Variants in HEATR5B observed in about 807,000 individuals in gnomAD.
HEATR5B encodes the protein HEAT repeat containing 5B.
A neutral mutation model predicts 224.1 loss-of-function variants in HEATR5B; 156 were observed. The ratio of observed to expected loss-of-function variants is 0.70; its 90% CI spans 0.61 to 0.80. HEATR5B has a LOEUF of 0.80. Ranked by LOEUF, HEATR5B falls within the 30% of genes least tolerant of loss-of-function variation. The probability of loss-of-function intolerance (pLI) is 0.00; values close to 1 mark genes in which losing one functional copy is unlikely to be tolerated. For missense variants in HEATR5B, 2,323 were observed against 2,535.5 expected, an observed-to-expected ratio of 0.92 and a Z score of 1.80; for synonymous variants, 1,027 against 893.0, an observed-to-expected ratio of 1.15 and a Z score of -2.68.
intron 34 of HEATR5B, among the ~76,000 whole-genome samples, chr2:36,989,148 C>A (rs1034377893): frequency 6.6e-6 from 1 of 152,132 alleles, no homozygotes; most frequent in Non-Finnish European, 1.5e-5. Flanking sequence ...TGCAGTGGCA[C>A]CATTTTGGCT....
chr2:37,010,664 C>T (rs531892693), intron 27 of HEATR5B, among the ~76,000 whole-genome samples: 1 of 151,952 alleles, frequency 6.6e-6, no homozygotes, highest in South Asian at 2.1e-4. Context: ...CAGGCACACA[C>T]CAGCAAGCCT....
At chr2:37,064,219 T>A (rs952060836) in intron 10 of HEATR5B, among the ~76,000 whole-genome samples, 2 of 152,128 alleles carry the variant, frequency 1.3e-5, no homozygotes, top group African/African-American at 4.8e-5. Context: ...TGTGAACTTT[T>A]ATTTCTAAAA....
intron 5 of HEATR5B, among the ~76,000 whole-genome samples, chr2:37,073,043 C>T (rs1472930234): frequency 6.6e-6 from 1 of 152,146 alleles, no homozygotes; most frequent in Non-Finnish European, 1.5e-5. Flanking sequence ...AGAAATAATA[C>T]CAATTCTATA....
intron 20 of HEATR5B, among the ~76,000 whole-genome samples, chr2:37,038,550 A>G (rs887756398): frequency 3.3e-5 from 5 of 152,210 alleles, no homozygotes; most frequent in Non-Finnish European, 1.5e-5. Context: ...ATACTTGATA[A>G]ACACCTATGC....
chr2:37,041,156 C>G lies in HEATR5B; in HGVS notation c.2833G>C (p.Asp945His). 6.2e-7 allele frequency: 1 copy of G among 1,614,018 alleles called. No individual in the cohort carries two copies. Among genetic ancestry groups the G allele is most frequent in the Non-Finnish European group, 8.5e-7 (1 of 1,179,950 alleles). ...ACCTGGACTTCAGGGGATGTCCCAT[C>G]TTGTGCTAGAGCCAATAAAATGCTG... Reference protein sequence around the residue: ...SVSILLALAQDGTSPEVQTWS... With the variant: ...SVSILLALAQHGTSPEVQTWS... The change falls in exon 19 of 36, where the codon GAT becomes CAT. Residue 945 changes from aspartate (D) to histidine (H), a missense_variant. Asp to His is a moderately conservative substitution (Grantham distance 81, BLOSUM62 -1). Transcript: ENST00000233099.
At chr2:37,069,269 T>C (rs1041243145) in intron 7 of HEATR5B, among the ~76,000 whole-genome samples, 1 of 152,192 alleles carries the variant, frequency 6.6e-6, no homozygotes, top group African/African-American at 2.4e-5. Flanking sequence ...AACACTGACT[T>C]AGAGCTATAA....
At chr2:37,014,078 A>G (rs1200874804) in intron 26 of HEATR5B, 58 bp from the exon 27 acceptor site, 1 of 979,160 alleles carries the variant, frequency 1.0e-6, no homozygotes, top group African/African-American at 1.7e-5. Flanking sequence ...GTATAAGAAA[A>G]TGGAATAAAT....
chr2:36,984,949 T>A (rs982526597), intron 35 of HEATR5B, among the ~76,000 whole-genome samples: 3 of 152,262 alleles, frequency 2.0e-5, no homozygotes, highest in Admixed American at 1.3e-4. Flanking sequence ...AAGATTTGAA[T>A]AACAGATTCA....
At chr2:37,061,867 T>A (rs966726044) in intron 11 of HEATR5B, 72 bp downstream of exon 11, 14 of 850,948 alleles carry the variant, frequency 1.6e-5, no homozygotes, top group Non-Finnish European at 2.5e-5. Flanking sequence ...CTTAACACTT[T>A]TAAATTAAAT....
In HEATR5B at chr2:37,014,013, C is replaced by T. The variant is rs752082481; in HGVS notation, c.4112G>A (p.Ser1371Asn). 1.9e-6 allele frequency: 3 copies of T among 1,561,550 alleles called. No individual in the cohort carries two copies. The highest frequency in any genetic ancestry group is 8.7e-7 in the Non-Finnish European group (1 of 1,149,632). Reference protein sequence around the residue: ...DIIAKACQVCSTWIGSGVVSD... With the variant: ...DIIAKACQVCNTWIGSGVVSD... ...GACAACTCCACTTCCTATCCATGTA[C>T]TACATACCTAGACAAAGAGAATTCA... Residue 1371 changes from serine (S) to asparagine (N), a missense_variant, in exon 27 of 36, where the codon AGT (serine) becomes AAT (asparagine). Coordinates refer to ENST00000233099, the MANE Select transcript of HEATR5B (RefSeq NM_019024.3).
At chr2:36,986,309 C>T (rs1665944431) in intron 35 of HEATR5B, among the ~76,000 whole-genome samples, 1 of 152,178 alleles carries the variant, frequency 6.6e-6, no homozygotes, top group Admixed American at 6.5e-5. Flanking sequence ...TTCTGACTTT[C>T]CCAATTTTGA....
intron 16 of HEATR5B, among the ~76,000 whole-genome samples, chr2:37,054,190 CTGTTTTTT>C (rs1334263457): frequency 8.5e-5 from 8 of 93,716 alleles, no homozygotes; most frequent in African/African-American, 3.2e-4. Context: ...GATGATTTCT[CTGTTTTTT>C]TTTTTTTTTT....
chr2:37,065,655 CTAA>C, intron 9 of HEATR5B, 97 bp downstream of exon 9: 1 of 997,524 alleles, frequency 1.0e-6, no homozygotes, highest in Non-Finnish European at 1.5e-6. Context: ...ATCTGAAGTG[CTAA>C]TGATGATGAT....
chr2:37,037,831 T>TGG, intron 21 of HEATR5B, 24 bp downstream of exon 21: 1 of 1,433,776 alleles, frequency 7.0e-7, no homozygotes, highest in Admixed American at 2.5e-5. Context: ...TAAAAATCAA[T>TGG]GAATGAAATA....
At chr2:36,990,164 G>A (rs1666230693) in intron 34 of HEATR5B, among the ~76,000 whole-genome samples, 1 of 151,986 alleles carries the variant, frequency 6.6e-6, no homozygotes, top group Admixed American at 6.6e-5. Context: ...CTAAGTGCTG[G>A]GATTACAGGC....
Position 37,028,730 on chromosome 2 carries a change from T to C in HEATR5B, c.3552A>G (p.Lys1184=), listed in dbSNP as rs1668934519. The C allele has an allele frequency of 3.1e-6, 5 of 1,613,920 alleles. No individual in the cohort carries two copies. The highest frequency in any genetic ancestry group is 4.2e-6 in the Non-Finnish European group (5 of 1,179,890). Residue 1184 remains lysine (K), a synonymous_variant, in exon 23 of 36, where the codon AAA becomes AAG. Coordinates refer to ENST00000233099, the MANE Select transcript of HEATR5B (RefSeq NM_019024.3). ...GHMLSSLAVE[K]LSHWLMLCKD... ...TACAAAGCATTAGCCAATGAGAAAG[T>C]TTTTCTACTGCCAGCGAAGAAAGCA...
At chr2:37,015,544 G>A (rs1572809462) in intron 26 of HEATR5B, among the ~76,000 whole-genome samples, 1 of 152,294 alleles carries the variant, frequency 6.6e-6, no homozygotes, top group African/African-American at 2.4e-5. Context: ...CGGGTGAAGG[G>A]AGATACAAAA....
In HEATR5B at chr2:37,083,549, A is replaced by T. The variant is rs201598070; in HGVS notation, c.-22-113T>A. 1.1e-4 allele frequency: 82 copies of T among 777,008 alleles called. No homozygotes were observed. In the East Asian group the frequency reaches 2.1e-3, roughly 20 times the overall value. The allele number at this position is 777,008 out of a possible 1,614,324, so 48.1% of individuals were successfully genotyped here. A position where few individuals can be genotyped will look rare whatever the true frequency, so the allele number is the denominator to read the frequency against. The stretch of plus-strand genomic sequence containing the variant: ...GGACTACTCATTTCATTTGGGGAAA[A>T]ACTCAACTTCTTTGAGGCAAAACCT... On this transcript the variant is annotated intron_variant, in intron 1 of 35. Coordinates refer to ENST00000233099, the MANE Select transcript of HEATR5B (RefSeq NM_019024.3).
chr2:37,048,951 A>G (rs1244773362), intron 18 of HEATR5B, among the ~76,000 whole-genome samples: 1 of 152,240 alleles, frequency 6.6e-6, no homozygotes, highest in Non-Finnish European at 1.5e-5. Flanking sequence ...AGTTTGCTAT[A>G]TTTAATACTC....
Sources: gnomAD v4.1 joint callset for allele counts (sites outside exome capture counted in the v4.1 genomes callset) on GRCh38, gnomAD v4.1.1 for gene constraint, MANE v1.5 for transcripts, NCBI Gene and HGNC (gene_info 2026-07-23, HGNC 2026-07-21) for gene names.